Variants in FGFR1 observed in about 807,000 individuals in gnomAD.
FGFR1 encodes the protein FGFR1/PLAG1 fusion.
In FGFR1, 18 loss-of-function variants were observed where a neutral mutation model predicts 93.7. The ratio of observed to expected loss-of-function variants is 0.19; its 90% confidence interval spans 0.13 to 0.28. FGFR1 has a LOEUF of 0.28. Ranked by LOEUF, FGFR1 falls within the 10% of genes least tolerant of loss-of-function variation. The pLI, the probability that FGFR1 is intolerant of heterozygous loss-of-function variation, is 1.00. For missense variants in FGFR1, 731 were observed against 1,080.4 expected (o/e 0.68, Z 4.53); for synonymous variants, 448 against 429.3 (o/e 1.04, Z -0.54).
intron 5 of FGFR1, among the ~76,000 whole-genome samples, chr8:38,427,171 G>A (rs1001333108): frequency 6.6e-6 from 1 of 151,814 alleles, no homozygotes; most frequent in Non-Finnish European, 1.5e-5. Flanking sequence ...TCTGTCCTAA[G>A]GAAGCACGCT....
Position 38,413,567 on chromosome 8 carries a change from A to C in FGFR1, c.*61T>G. 6.5e-7 allele frequency: 1 copy of C among 1,530,932 alleles called. No individual in the cohort carries two copies. Among genetic ancestry groups the C allele is most frequent in the South Asian group, 1.2e-5 (1 of 81,544 alleles). The allele number at this position is 1,530,932 out of a possible 1,614,324, so 94.8% of individuals were successfully genotyped here. On this transcript the variant is annotated 3_prime_UTR_variant, in exon 18 of 18. Transcript: ENST00000447712. The surrounding 1 kb of genome is among the most constrained non-coding windows in gnomAD (Gnocchi z 4.2). Reference sequence around the variant, plus strand: ...GGGACGGACAGGTGGTGGGCCCAGCAGGGGCTGTGGGTGAGGGTTACAGCT... The same window carrying C: ...GGGACGGACAGGTGGTGGGCCCAGCCGGGGCTGTGGGTGAGGGTTACAGCT...
rs757823303 is a variant in FGFR1, at chr8:38,421,951, A to G, written c.937-10T>C. The G allele has an allele frequency of 1.6e-5, 26 of 1,613,960 alleles. No homozygotes were observed. The highest frequency in any genetic ancestry group is 1.3e-5 in the Non-Finnish European group (15 of 1,179,992). ...TATTAACTCCAGCAGTCTAGAAGAGACAACGGAAGCAAAATGGACAAGCAC... is the reference window on the plus strand; with the variant it reads ...TATTAACTCCAGCAGTCTAGAAGAGGCAACGGAAGCAAAATGGACAAGCAC... On this transcript the variant is annotated splice_polypyrimidine_tract_variant and intron_variant, in intron 7 of 17. Transcript: ENST00000447712.
chr8:38,425,628 A>G (rs1258645622), intron 6 of FGFR1, among the ~76,000 whole-genome samples: 2 of 152,200 alleles, frequency 1.3e-5, no homozygotes, highest in African/African-American at 2.4e-5. Flanking sequence ...TTCTTCCCAG[A>G]GTCTCCTGTG....
intron 1 of FGFR1, among the ~76,000 whole-genome samples, chr8:38,459,657 A>T (rs1312876198): frequency 6.6e-6 from 1 of 152,128 alleles, no homozygotes; most frequent in Non-Finnish European, 1.5e-5. Flanking sequence ...TGCAATGGAG[A>T]AACTGAGGCT....
At chr8:38,458,730 A>C (rs929275998) in intron 1 of FGFR1, 1 of 219,420 alleles carries the variant, frequency 4.6e-6, no homozygotes, top group African/African-American at 2.2e-5. Flanking sequence ...GCAATGAAGC[A>C]GCTGAAATAA....
At chr8:38,422,025 G>T in intron 7 of FGFR1, 84 bp from the exon 8 acceptor site, 3 of 1,491,858 alleles carry the variant, frequency 2.0e-6, no homozygotes, top group Non-Finnish European at 2.8e-6. Flanking sequence ...GAGACAGAAA[G>T]AAGGGGGACT....
At chr8:38,450,359 G>A (rs1171067396) in intron 2 of FGFR1, among the ~76,000 whole-genome samples, 1 of 152,192 alleles carries the variant, frequency 6.6e-6, no homozygotes, top group Non-Finnish European at 1.5e-5. Context: ...GAAGAAAGAG[G>A]CAAAGGTGGT....
Position 38,457,389 on chromosome 8 carries a change from T to C in FGFR1, c.58A>G (p.Thr20Ala), listed in dbSNP as rs1563627473. ...GGCAAGGTCGGGGACGGCCTAGCGG[T>C]GCAGAGTGTGGCTGTGACCAGCACA... The part of the protein sequence containing the change: ...WAVLVTATLC[T>A]ARPSPTLPEQ... Residue 20 changes from threonine to alanine, a missense_variant, in exon 2 of 18, where the codon ACC (threonine) becomes GCC (alanine). This residue lies in a region of FGFR1 where 212 missense variants were observed against 205.8 expected (regional missense o/e 1.03). Transcript: ENST00000447712. The C allele has an allele frequency of 6.2e-7, 1 of 1,613,872 alleles. No individual in the cohort carries two copies. Among genetic ancestry groups the C allele is most frequent in the Non-Finnish European group, 8.5e-7 (1 of 1,180,010 alleles).
At chr8:38,414,932 G>C (rs761228427) in intron 13 of FGFR1, 31 bp from the exon 14 acceptor site, 2 of 1,594,480 alleles carry the variant, frequency 1.3e-6, no homozygotes, top group African/African-American at 2.7e-5. Context: ...AGCGGGAGGC[G>C]GGGAGGTGAG....
rs1466234729 is a variant in FGFR1, at chr8:38,428,825, AC to A, written c.359-391del. 3.7e-5 allele frequency: 12 copies of A among 327,392 alleles called. No homozygotes were observed. In the Admixed American group the frequency reaches 5.3e-4, roughly 14 times the overall value. 20.3% of individuals were successfully genotyped at this position (327,392 alleles called of 1,614,324 possible). On this transcript the variant is annotated intron_variant, in intron 3 of 17. Coordinates refer to ENST00000447712, the MANE Select transcript of FGFR1 (RefSeq NM_023110.3). Reference sequence around the variant, plus strand: ...GGGAAACCCAGGCAGGTCTAGACACACTGTGGCTAGATGCTATTTCCAAAGG... The same window carrying A: ...GGGAAACCCAGGCAGGTCTAGACACATGTGGCTAGATGCTATTTCCAAAGG...
rs1343172545 is a variant in FGFR1 at position 38,415,890 on chromosome 8, C to G, written c.1834G>C (p.Glu612Gln). 1 of 1,613,726 alleles carries G rather than the reference C, an allele frequency of 6.2e-7. No individual in the cohort carries two copies. Among genetic ancestry groups the G allele is most frequent in the African/African-American group, 1.3e-5 (1 of 74,914 alleles). The change falls in exon 13 of 18, where the codon GAG becomes CAG. Residue 612 changes from glutamate to glutamine, a missense_variant. By Grantham distance (29) the Glu-to-Gln change is conservative (BLOSUM62 2). Transcript: ENST00000447712. ...CACACCTTCTTGGAGGCCAGATACTCCATGCCTCGGGCCACCTGGTAGGCG... is the reference window on the plus strand; with the variant it reads ...CACACCTTCTTGGAGGCCAGATACTGCATGCCTCGGGCCACCTGGTAGGCG... ...SCAYQVARGM[E>Q]YLASKKCIHR...
chr8:38,414,108 C>T (rs2150528059), intron 16 of FGFR1, 44 bp downstream of exon 16: 1 of 1,614,130 alleles, frequency 6.2e-7, no homozygotes, highest in South Asian at 1.1e-5. Flanking sequence ...CCCACTCTTG[C>T]CCCAAGGCCT....
chr8:38,452,924 C>T (rs1370174179), intron 2 of FGFR1, among the ~76,000 whole-genome samples: 1 of 152,104 alleles, frequency 6.6e-6, no homozygotes, highest in Non-Finnish European at 1.5e-5. Flanking sequence ...TTGCAGTGAG[C>T]CAAGATCACG....
chr8:38,430,210 G>A (rs1822460427), intron 2 of FGFR1: 2 of 545,250 alleles, frequency 3.7e-6, no homozygotes, highest in Admixed American at 3.3e-5. Context: ...GCAAAGTTAG[G>A]AAGCAGCTGT....
chr8:38,437,842 G>GT (rs1825959939), intron 2 of FGFR1, among the ~76,000 whole-genome samples: 1 of 152,224 alleles, frequency 6.6e-6, no homozygotes, highest in South Asian at 2.1e-4. Flanking sequence ...ACCTGAAAAT[G>GT]TATTTTGAAA....
rs368071472 is a variant in FGFR1 at position 38,429,283 on chromosome 8, C to T, written c.358+399G>A. On this transcript the variant is annotated intron_variant, in intron 3 of 17. Coordinates refer to ENST00000447712, the MANE Select transcript of FGFR1 (RefSeq NM_023110.3). The surrounding 1 kb of genome is among the most constrained non-coding windows in gnomAD (Gnocchi z 4.4). ...TCCAGCAGAGCAGGGATACCACCAC[C>T]TGTTCAGGGCCTCTAATCACTAAGC... 3.7e-4 allele frequency: 194 copies of T among 523,654 alleles called. No homozygotes were observed. The highest frequency in any genetic ancestry group is 5.9e-4 in the Admixed American group (29 of 49,364). 32.4% of individuals were successfully genotyped at this position (523,654 alleles called of 1,614,324 possible). A position where few individuals can be genotyped will look rare whatever the true frequency, so the allele number is the denominator to read the frequency against.
At chr8:38,458,465 CAG>C in intron 1 of FGFR1, among the ~76,000 whole-genome samples, 1 of 152,072 alleles carries the variant, frequency 6.6e-6, no homozygotes, top group Non-Finnish European at 1.5e-5. Context: ...TGCTTGAACT[CAG>C]GAGGCGGAGG....
At chr8:38,461,166 C>A (rs1834314602) in intron 1 of FGFR1, 6 of 1,533,294 alleles carry the variant, frequency 3.9e-6, no homozygotes, top group Non-Finnish European at 5.2e-6. Context: ...TGTCTTCTCA[C>A]TGGAGTACTG....
chr8:38,442,665 C>T (rs1827923667), intron 2 of FGFR1, among the ~76,000 whole-genome samples: 1 of 152,156 alleles, frequency 6.6e-6, no homozygotes, highest in Non-Finnish European at 1.5e-5. Context: ...CCCACCTCTC[C>T]CAGCTGGGGC....
Sources: allele counts gnomAD v4.1 joint callset (sites outside exome capture counted in the v4.1 genomes callset), GRCh38; gene constraint gnomAD v4.1.1; regional missense constraint gnomAD v4.1.1; non-coding constraint Gnocchi (gnomAD v3.1); transcripts MANE v1.5; gene names NCBI Gene and HGNC (gene_info 2026-07-23, HGNC 2026-07-21).